The following RIN3 variants were observed in gnomAD, a reference collection of about 807,000 sequenced individuals.
RIN3 encodes the protein RAB5 interacting protein 3.
Under a neutral mutation model 76.3 loss-of-function variants are expected in RIN3, and 54 were observed. That is an observed-to-expected ratio of 0.71 (90% CI 0.57 to 0.89). The LOEUF is 0.89. RIN3 is among the 40% of genes least tolerant of loss of function. The pLI is 0.00. For synonymous variants in RIN3, 576 were observed against 564.0 expected, an observed-to-expected ratio of 1.02 and a Z score of -0.30; for missense variants, 1,256 against 1,322.1, an observed-to-expected ratio of 0.95 and a Z score of 0.78.
intron 2 of RIN3, among the ~76,000 whole-genome samples, chr14:92,562,029 A>G (rs1897792004): frequency 6.6e-6 from 1 of 152,088 alleles, no homozygotes. Context: ...ATCCCATCCC[A>G]TGTTACATTT....
chr14:92,618,547 T>A (rs1207050840), intron 4 of RIN3, among the ~76,000 whole-genome samples: 1 of 152,212 alleles, frequency 6.6e-6, no homozygotes, highest in Non-Finnish European at 1.5e-5. Flanking sequence ...AAAGCTTTTT[T>A]ACCTGGTGAA....
chr14:92,611,249 G>A (rs1885720371), intron 3 of RIN3, among the ~76,000 whole-genome samples: 2 of 152,074 alleles, frequency 1.3e-5, no homozygotes, highest in African/African-American at 4.8e-5. Flanking sequence ...GCTTCCCATG[G>A]CATTCCCTTC....
Position 92,567,203 on chromosome 14 carries a change from T to C in RIN3, c.250-10157T>C, listed in dbSNP as rs542933498. Among the ~76,000 whole-genome samples, 3 of 152,304 alleles carry C rather than the reference T, an allele frequency of 2.0e-5. No homozygotes were observed. The South Asian group carries it at 6.2e-4, about 32-fold the overall frequency. ...ATGTGTATTCGTCAGCAATGCCTGA[T>C]GGAAGAGAGTAGGGGGATACCCAAA... On this transcript the variant is annotated intron_variant, in intron 2 of 9. Transcript: ENST00000216487.
At chr14:92,541,576 T>C (rs1429348928) in intron 1 of RIN3, among the ~76,000 whole-genome samples, 1 of 152,222 alleles carries the variant, frequency 6.6e-6, no homozygotes, top group Non-Finnish European at 1.5e-5. Flanking sequence ...TTTCAACAAA[T>C]GGTGCTGGAA....
chr14:92,549,269 T>A (rs538370348), intron 1 of RIN3, among the ~76,000 whole-genome samples: 80 of 152,192 alleles, frequency 5.3e-4, no homozygotes, highest in African/African-American at 1.6e-3. Flanking sequence ...CGTCACACAC[T>A]CCCACCTCCC....
At position 92,674,558 on chromosome 14, in the gene RIN3, T is replaced by A. The variant is rs533990803; in HGVS notation, c.2336-1917T>A. On this transcript the variant is annotated intron_variant, in intron 7 of 9. Coordinates refer to ENST00000216487, the MANE Select transcript of RIN3 (RefSeq NM_024832.5). ...GTCAAGGTTGCAAGTGAGCTGAGAT[T>A]AAACCACCATACTCCAGCCTGGGCG... Among the ~76,000 whole-genome samples the A allele has an allele frequency of 3.7e-4, 56 of 151,742 alleles. 1 individual carries two copies. The highest frequency in any genetic ancestry group is 1.4e-3 in the African/African-American group (56 of 41,328).
rs1407661038 is a variant in RIN3, at chr14:92,513,891, C to A, written c.-42C>A. On this transcript the variant is annotated 5_prime_UTR_variant, in exon 1 of 10. Coordinates refer to ENST00000216487, the MANE Select transcript of RIN3 (RefSeq NM_024832.5). ...GGACTCCGCGTTCCGCGCGGCCCGG[C>A]GCCTGAGCGCCTCCGTTCCCCGTCC... is the stretch of plus-strand genomic sequence containing the variant. 8.0e-7 allele frequency: 1 copy of A among 1,248,454 alleles called. No homozygotes were observed. Among genetic ancestry groups the A allele is most frequent in the Non-Finnish European group, 1.0e-6 (1 of 995,242 alleles). 77.3% of individuals were successfully genotyped at this position (1,248,454 alleles called of 1,614,324 possible). A position where few individuals can be genotyped will look rare whatever the true frequency, so the allele number is the denominator to read the frequency against.
chr14:92,526,846 C>T (rs918981706), intron 1 of RIN3, among the ~76,000 whole-genome samples: 1 of 152,170 alleles, frequency 6.6e-6, no homozygotes, highest in Non-Finnish European at 1.5e-5. Context: ...TAAATGTATT[C>T]TCTCAAAGCC....
chr14:92,529,938 A>G (rs1294000093), intron 1 of RIN3, among the ~76,000 whole-genome samples: 1 of 152,202 alleles, frequency 6.6e-6, no homozygotes, highest in African/African-American at 2.4e-5. Flanking sequence ...TTCAACAGAG[A>G]CACACATAAA....
At position 92,553,026 on chromosome 14, in the gene RIN3, TAAA is replaced by T. The variant is rs55684274; in HGVS notation, c.45-2705_45-2703del. ...TTGATCGCAGCTTTGGTTCTGCAGGTAAAAAAAAAAAAAAAAAAAAAATGGGGA... is the reference window on the plus strand; with the variant it reads ...TTGATCGCAGCTTTGGTTCTGCAGGTAAAAAAAAAAAAAAAAAAATGGGGA... On this transcript the variant is annotated intron_variant, in intron 1 of 9. Coordinates refer to ENST00000216487, the MANE Select transcript of RIN3 (RefSeq NM_024832.5). Among the ~76,000 whole-genome samples the T allele has an allele frequency of 3.6e-3, 446 of 123,204 alleles. 1 individual carries two copies. Among genetic ancestry groups the T allele is most frequent in the East Asian group, 7.3e-3 (31 of 4,254 alleles). The allele number at this position is 123,204 out of a possible 152,430, so 80.8% of individuals were successfully genotyped here.
chr14:92,585,747 T>A (rs1382362240), intron 3 of RIN3, among the ~76,000 whole-genome samples: 2 of 152,184 alleles, frequency 1.3e-5, no homozygotes, highest in East Asian at 3.9e-4. Context: ...CCTCCCCAAG[T>A]TGCTGGGACT....
At chr14:92,581,152 A>G (rs1898422325) in intron 3 of RIN3, among the ~76,000 whole-genome samples, 1 of 152,154 alleles carries the variant, frequency 6.6e-6, no homozygotes, top group African/African-American at 2.4e-5. Context: ...TTCTCCAAGA[A>G]CCAGAGTCTC....
intron 2 of RIN3, among the ~76,000 whole-genome samples, chr14:92,575,524 G>A (rs930558774): frequency 1.1e-4 from 17 of 152,290 alleles, no homozygotes; most frequent in African/African-American, 3.6e-4. Flanking sequence ...TGAACAAGGG[G>A]TAGATTATTC....
chr14:92,631,062 A>G (rs1253248935), intron 4 of RIN3, among the ~76,000 whole-genome samples: 1 of 152,202 alleles, frequency 6.6e-6, no homozygotes, highest in African/African-American at 2.4e-5. Flanking sequence ...TGTCACCTCC[A>G]GGACATGGCA....
chr14:92,540,219 C>T lies in RIN3; in HGVS notation c.45-15532C>T, dbSNP rs186567879. On this transcript the variant is annotated intron_variant, in intron 1 of 9. Coordinates refer to ENST00000216487, the MANE Select transcript of RIN3 (RefSeq NM_024832.5). ...GCCTGCTGTCAGCGCTTCCGAGGTCCGGAAGACCTGCCTAAACTGACTTCC... is the reference window on the plus strand; with the variant it reads ...GCCTGCTGTCAGCGCTTCCGAGGTCTGGAAGACCTGCCTAAACTGACTTCC... Among the ~76,000 whole-genome samples, 713 of 152,310 alleles carry T rather than the reference C, an allele frequency of 4.7e-3. 6 individuals carry two copies. The highest frequency in any genetic ancestry group is 7.2e-3 in the Non-Finnish European group (491 of 68,016).
intron 9 of RIN3, chr14:92,687,255 G>A (rs1287642403): frequency 6.6e-6 from 1 of 152,378 alleles, no homozygotes; most frequent in Non-Finnish European, 1.5e-5. Flanking sequence ...AGCCCGGCAG[G>A]TGTGGGGCTG....
rs1888952661 is a variant in RIN3, at chr14:92,688,221, GC to G, written c.2929del (p.Leu977TrpfsTer47). ...GGGGGGGSPP[C>X]LVVREPNFL is the part of the protein sequence containing the mutation. ...GGCGGCGGCGGCGGGAGCCCGCCCT[GC>G]CTGGTGGTGCGGGAGCCCAACTTCC... On this transcript the variant is annotated frameshift_variant, in exon 10 of 10. Transcript: ENST00000216487. LOFTEE classifies it high-confidence loss of function. 6.3e-7 allele frequency: 1 copy of G among 1,599,550 alleles called. No homozygotes were observed.
intron 5 of RIN3, among the ~76,000 whole-genome samples, chr14:92,647,824 A>G (rs1887255668): frequency 1.3e-5 from 2 of 152,162 alleles, no homozygotes; most frequent in South Asian, 4.2e-4. Flanking sequence ...CTGAGGGTAG[A>G]AAGAGTGGGC....
chr14:92,676,585 C>T lies in RIN3; in HGVS notation c.2446C>T (p.Pro816Ser), dbSNP rs763093291. Residue 816 changes from proline (P) to serine (S), a missense_variant, in exon 8 of 10, where the codon CCC becomes TCC. By Grantham distance (74) the Pro-to-Ser change is moderately conservative (BLOSUM62 -1). Around this residue, in one of 3 missense-constraint regions of RIN3, gnomAD observed 428 missense variants for 521.2 expected, o/e 0.82. Transcript: ENST00000216487. ...NVEYMMELMD[P>S]ALQLGEGSYY... ...GGAGTACATGATGGAGCTCATGGACCCCGCCCTGCAGCTGGGGGAGGGTGA... is the reference window on the plus strand; with the variant it reads ...GGAGTACATGATGGAGCTCATGGACTCCGCCCTGCAGCTGGGGGAGGGTGA... The T allele has an allele frequency of 6.2e-7, 1 of 1,613,768 alleles. No homozygotes were observed. The highest frequency in any genetic ancestry group is 8.5e-7 in the Non-Finnish European group (1 of 1,179,896).
Sources: gnomAD v4.1 joint callset for allele counts (sites outside exome capture counted in the v4.1 genomes callset) on GRCh38, gnomAD v4.1.1 for gene constraint, gnomAD v4.1.1 regional missense constraint, MANE v1.5 for transcripts, NCBI Gene and HGNC (gene_info 2026-07-23, HGNC 2026-07-21) for gene names.